The following NR3C2 variants were observed in gnomAD, a reference collection of about 807,000 sequenced individuals.
The protein encoded by NR3C2 is mineralocorticoid receptor.
A neutral mutation model predicts 86.4 loss-of-function variants in NR3C2; 15 were observed. The ratio of observed to expected loss-of-function variants is 0.17; its 90% CI spans 0.12 to 0.27. The LOEUF (loss-of-function observed/expected upper bound fraction) is 0.27, where lower values mean the gene tolerates loss of function less well. NR3C2 is among the 10% of genes least tolerant of loss of function. NR3C2 has a pLI of 1.00. For synonymous variants in NR3C2, 458 were observed against 450.5 expected, an observed-to-expected ratio of 1.02 and a Z score of -0.21; for missense variants, 960 against 1,195.6, an observed-to-expected ratio of 0.80 and a Z score of 2.91.
intron 8 of NR3C2, among the ~76,000 whole-genome samples, chr4:148,105,579 GA>G (rs1392897225): frequency 6.6e-6 from 1 of 152,084 alleles, no homozygotes; most frequent in Non-Finnish European, 1.5e-5. Context: ...AACAAAAAAA[GA>G]AAACTTCAGG....
intron 2 of NR3C2, among the ~76,000 whole-genome samples, chr4:148,273,116 T>A (rs1259322483): frequency 6.6e-6 from 1 of 152,178 alleles, no homozygotes; most frequent in East Asian, 1.9e-4. Flanking sequence ...TCTCCCTCCA[T>A]TTTATTAAAT....
chr4:148,353,799 T>C (rs990671287), intron 2 of NR3C2, among the ~76,000 whole-genome samples: 7 of 152,182 alleles, frequency 4.6e-5, no homozygotes, highest in Admixed American at 3.3e-4. Flanking sequence ...CTGACTTACA[T>C]GTTTTATCAA....
At chr4:148,210,619 T>G (rs995412555) in intron 3 of NR3C2, among the ~76,000 whole-genome samples, 1 of 152,200 alleles carries the variant, frequency 6.6e-6, no homozygotes, top group Non-Finnish European at 1.5e-5. Context: ...GAAAAAAACC[T>G]GTGGTTTGAG....
intron 8 of NR3C2, among the ~76,000 whole-genome samples, chr4:148,089,947 C>T (rs907323424): frequency 5.9e-5 from 9 of 152,188 alleles, no homozygotes; most frequent in Admixed American, 2.6e-4. Flanking sequence ...AGTTTTAACC[C>T]GAGGGTAGAC....
intron 2 of NR3C2, among the ~76,000 whole-genome samples, chr4:148,371,760 C>T (rs61569758): frequency 6.6e-6 from 1 of 152,020 alleles, no homozygotes. Context: ...GAGACAGATA[C>T]TGTGATAGAG....
At chr4:148,318,311 T>C (rs1260120841) in intron 2 of NR3C2, among the ~76,000 whole-genome samples, 2 of 151,890 alleles carry the variant, frequency 1.3e-5, no homozygotes, top group Non-Finnish European at 2.9e-5. Flanking sequence ...GTCTTTGCTA[T>C]TGTGAATAAT....
At chr4:148,088,289 T>C (rs1182779780) in intron 8 of NR3C2, among the ~76,000 whole-genome samples, 2 of 152,184 alleles carry the variant, frequency 1.3e-5, no homozygotes, top group African/African-American at 4.8e-5. Context: ...AGTTCAAGCA[T>C]TGTGGAAGAC....
At chr4:148,363,190 T>C (rs1745927380) in intron 2 of NR3C2, among the ~76,000 whole-genome samples, 1 of 152,202 alleles carries the variant, frequency 6.6e-6, no homozygotes, top group African/African-American at 2.4e-5. Context: ...GAGGGGCTAA[T>C]CAAGAGTACA....
At chr4:148,115,187 G>A (rs768045999) in intron 7 of NR3C2, among the ~76,000 whole-genome samples, 24 of 152,094 alleles carry the variant, frequency 1.6e-4, no homozygotes, top group South Asian at 4.1e-4. Flanking sequence ...GCTAGCTTTC[G>A]TATGTTTTAA....
At chr4:148,152,750 A>G in intron 5 of NR3C2, 137 bp from the exon 6 acceptor site, 1 of 810,602 alleles carries the variant, frequency 1.2e-6, no homozygotes, top group Non-Finnish European at 2.0e-6. Context: ...TCAATTCAAC[A>G]GTCATTTACA....
At chr4:148,289,230 A>C (rs1439427782) in intron 2 of NR3C2, among the ~76,000 whole-genome samples, 1 of 151,750 alleles carries the variant, frequency 6.6e-6, no homozygotes, top group Non-Finnish European at 1.5e-5. Context: ...ATTTAGAAGT[A>C]AAAAAGTCAC....
At position 148,136,067 on chromosome 4, in the gene NR3C2, A is replaced by C. The variant is rs1387176837; in HGVS notation, c.2511-15779T>G. 1.3e-3 allele frequency among the ~76,000 whole-genome samples: 124 copies of C among 97,592 alleles called. 2 individuals are homozygous for C. Among genetic ancestry groups the C allele is most frequent in the Middle Eastern group, 5.5e-3 (1 of 182 alleles). 64.0% of individuals were successfully genotyped at this position (97,592 alleles called of 152,430 possible). A position where few individuals can be genotyped will look rare whatever the true frequency, so the allele number is the denominator to read the frequency against. On this transcript the variant is annotated intron_variant, in intron 6 of 8. Transcript: ENST00000358102. Reference sequence around the variant, plus strand: ...GCGAGACTCCGTCTCAAAAAAAAAAAAAAAAAAAACAAAAAAAAAAAACAC... The same window carrying C: ...GCGAGACTCCGTCTCAAAAAAAAAACAAAAAAAAACAAAAAAAAAAAACAC...
chr4:148,153,031 T>C (rs77776958), intron 5 of NR3C2, among the ~76,000 whole-genome samples: 14 of 152,316 alleles, frequency 9.2e-5, no homozygotes, highest in African/African-American at 2.9e-4. Flanking sequence ...GGAGATTTCA[T>C]TGTTCATGAG....
intron 3 of NR3C2, among the ~76,000 whole-genome samples, chr4:148,216,241 T>C (rs1409214578): frequency 6.6e-6 from 1 of 151,982 alleles, no homozygotes; most frequent in Non-Finnish European, 1.5e-5. Context: ...CCCCCAACCA[T>C]TTAGTTCCCA....
intron 4 of NR3C2, among the ~76,000 whole-genome samples, chr4:148,176,531 T>C (rs1735383559): frequency 6.6e-6 from 1 of 152,176 alleles, no homozygotes; most frequent in South Asian, 2.1e-4. Context: ...CTTTTCCCAG[T>C]AGATAGAAGT....
chr4:148,377,011 A>C (rs1204991627), intron 2 of NR3C2, among the ~76,000 whole-genome samples: 3 of 152,212 alleles, frequency 2.0e-5, no homozygotes, highest in East Asian at 3.8e-4. Context: ...CTGGGGTAAC[A>C]TATTTGCTTA....
intron 2 of NR3C2, among the ~76,000 whole-genome samples, chr4:148,417,181 T>C (rs80147387): frequency 0.017 from 2,534 of 152,314 alleles, 38 homozygotes; most frequent in Non-Finnish European, 0.026. Flanking sequence ...TTAGCTCTTA[T>C]TATGGAGATA....
At chr4:148,376,799 T>C (rs1008434896) in intron 2 of NR3C2, among the ~76,000 whole-genome samples, 1 of 152,276 alleles carries the variant, frequency 6.6e-6, no homozygotes. Flanking sequence ...AGAAAAATTA[T>C]ATTAGAGAGT....
intron 2 of NR3C2, among the ~76,000 whole-genome samples, chr4:148,403,848 C>T (rs967611012): frequency 6.6e-6 from 1 of 151,918 alleles, no homozygotes; most frequent in Admixed American, 6.6e-5. Context: ...TTTTCAAGTT[C>T]CCATTTATGT....
Sources: allele counts gnomAD v4.1 joint callset (sites outside exome capture counted in the v4.1 genomes callset), GRCh38; gene constraint gnomAD v4.1.1; transcripts MANE v1.5; gene names NCBI Gene and HGNC (gene_info 2026-07-23, HGNC 2026-07-21).